Variants in ABHD2 observed in about 807,000 individuals in gnomAD.
ABHD2 encodes the protein monoacylglycerol lipase ABHD2.
ABHD2 carries 20 observed loss-of-function variants against 48.1 expected under a neutral mutation model. That is an observed-to-expected ratio of 0.42 (90% confidence interval 0.29 to 0.60). ABHD2 has a LOEUF of 0.60. Among genes scored for constraint, ABHD2 ranks in the 20% least tolerant of loss-of-function variants. The pLI is 0.24. For missense variants in ABHD2, 405 were observed against 550.9 expected, an observed-to-expected ratio of 0.74 and a Z score of 2.65; for synonymous variants, 209 against 214.2, an observed-to-expected ratio of 0.98 and a Z score of 0.21.
chr15:89,135,107 G>A (rs2050282037), intron 3 of ABHD2, among the ~76,000 whole-genome samples: 1 of 147,260 alleles, frequency 6.8e-6, no homozygotes, highest in South Asian at 2.1e-4. Flanking sequence ...TTGCTTAGAA[G>A]CATTCAGAAT....
intron 3 of ABHD2, among the ~76,000 whole-genome samples, chr15:89,149,239 ACACT>A (rs916464409): frequency 6.6e-6 from 1 of 151,872 alleles, no homozygotes; most frequent in African/African-American, 2.4e-5. Flanking sequence ...ACACACACAC[ACACT>A]CACACTGAGA....
chr15:89,079,226 C>T, the ABHD2 span, among the ~76,000 whole-genome samples: 29 of 152,340 alleles, frequency 1.9e-4, no homozygotes, highest in African/African-American at 5.8e-4. This position sits in a 1 kb window ranked among gnomAD's most constrained non-coding sequence, Gnocchi z 4.3. Context: ...GCCCCTTTCA[C>T]ATGTAAAATG....
intron 5 of ABHD2, among the ~76,000 whole-genome samples, chr15:89,169,597 G>C (rs1299855546): frequency 6.6e-6 from 1 of 152,174 alleles, no homozygotes; most frequent in East Asian, 1.9e-4. Context: ...GGAAGCGGTG[G>C]AGAAGTAAAT....
At position 89,097,892 on chromosome 15, in the gene ABHD2, T is replaced by C. The variant is rs1008960896; in HGVS notation, c.-107+9329T>C. Among the ~76,000 whole-genome samples, 1 of 152,172 alleles carries C rather than the reference T, an allele frequency of 6.6e-6. No individual in the cohort carries two copies. Among genetic ancestry groups the C allele is most frequent in the Non-Finnish European group, 1.5e-5 (1 of 68,024 alleles). ...CATGGAATTATACATGTTAGCAAATTTCTTGTTTTTTCTTTTTTGAGACAG... is the reference window on the plus strand; with the variant it reads ...CATGGAATTATACATGTTAGCAAATCTCTTGTTTTTTCTTTTTTGAGACAG... On this transcript the variant is annotated intron_variant, in intron 1 of 10. Coordinates refer to ENST00000352732, the MANE Select transcript of ABHD2 (RefSeq NM_152924.5). The surrounding 1 kb of genome is among the most constrained non-coding windows in gnomAD (Gnocchi z 4.2).
chr15:89,098,229 C>T (rs1469163995), intron 1 of ABHD2, among the ~76,000 whole-genome samples: 1 of 152,132 alleles, frequency 6.6e-6, no homozygotes, highest in African/African-American at 2.4e-5. Flanking sequence ...ATTACTTTTT[C>T]TCATGTATTC....
the ABHD2 span, among the ~76,000 whole-genome samples, chr15:89,054,321 CAA>C: frequency 2.4e-3 from 331 of 137,970 alleles, 3 homozygotes; most frequent in Admixed American, 3.2e-3. Context: ...GACTCTGTCT[CAA>C]AAAAAAAAAA....
At chr15:89,162,627 G>A (rs2050779293) in intron 5 of ABHD2, among the ~76,000 whole-genome samples, 1 of 152,078 alleles carries the variant, frequency 6.6e-6, no homozygotes, top group Admixed American at 6.6e-5. Flanking sequence ...TTGTCACTCA[G>A]GTCTCAACCA....
At chr15:89,086,744 C>T (rs891853369), upstream of ABHD2, among the ~76,000 whole-genome samples, 1 of 152,228 alleles carries the variant, frequency 6.6e-6, no homozygotes, top group Non-Finnish European at 1.5e-5. Flanking sequence ...CTACACCAAG[C>T]TAGTTAACAT....
chr15:89,184,212 G>A lies in ABHD2; in HGVS notation c.723-1212G>A, dbSNP rs2051167719. On this transcript the variant is annotated intron_variant, in intron 6 of 10. Coordinates refer to ENST00000352732, the MANE Select transcript of ABHD2 (RefSeq NM_152924.5). The surrounding 1 kb of genome is among the most constrained non-coding windows in gnomAD (Gnocchi z 5.1). Reference sequence around the variant, plus strand: ...TCTTATTTTTTAACCACGACATTGTGGGAAATGTTTGTCACTCCAAAACTG... The same window carrying A: ...TCTTATTTTTTAACCACGACATTGTAGGAAATGTTTGTCACTCCAAAACTG... Among the ~76,000 whole-genome samples the A allele has an allele frequency of 2.0e-5, 3 of 152,036 alleles. No individual in the cohort carries two copies. Among genetic ancestry groups the A allele is most frequent in the Non-Finnish European group, 4.4e-5 (3 of 68,008 alleles).
chr15:89,193,473 T>C, intron 10 of ABHD2, 154 bp downstream of exon 10: 2 of 659,890 alleles, frequency 3.0e-6, no homozygotes, highest in Non-Finnish European at 5.3e-6. Flanking sequence ...AGCCTGATAG[T>C]CCTCGGGCTG....
chr15:89,091,890 C>T lies in ABHD2; in HGVS notation c.-107+3327C>T, dbSNP rs1901610797. On this transcript the variant is annotated intron_variant, in intron 1 of 10. Transcript: ENST00000352732. The surrounding 1 kb of genome is among the most constrained non-coding windows in gnomAD (Gnocchi z 5.5). ...TCTTGGGCTAAGCTATCCCCAGGAA[C>T]AGAGCAATGAGAAGTTCAGGGTGCC... 6.6e-6 allele frequency among the ~76,000 whole-genome samples: 1 copy of T among 152,200 alleles called. No homozygotes were observed. The highest frequency in any genetic ancestry group is 6.5e-5 in the Admixed American group (1 of 15,280).
At chr15:89,071,752 C>T in the ABHD2 span, among the ~76,000 whole-genome samples, 3 of 152,292 alleles carry the variant, frequency 2.0e-5, no homozygotes, top group Admixed American at 2.0e-4. Flanking sequence ...GGTGCGTCTG[C>T]CATACAGGGT....
chr15:89,098,985 T>G (rs2049657807), intron 1 of ABHD2, among the ~76,000 whole-genome samples: 1 of 152,192 alleles, frequency 6.6e-6, no homozygotes, highest in South Asian at 2.1e-4. Flanking sequence ...AAACAGCTTA[T>G]AAGATGGATG....
Position 89,177,782 on chromosome 15 carries a change from A to G in ABHD2, c.722+1787A>G, listed in dbSNP as rs1414317306. 6.6e-6 allele frequency among the ~76,000 whole-genome samples: 1 copy of G among 152,120 alleles called. No homozygotes were observed. Among genetic ancestry groups the G allele is most frequent in the Non-Finnish European group, 1.5e-5 (1 of 68,014 alleles). On this transcript the variant is annotated intron_variant, in intron 6 of 10. Coordinates refer to ENST00000352732, the MANE Select transcript of ABHD2 (RefSeq NM_152924.5). The surrounding 1 kb of genome is among the most constrained non-coding windows in gnomAD (Gnocchi z 5.6). ...AACCAAAGTCCTGTCGGGCCCAGTC[A>G]CTGGGATAAGAAAGACATGAGCAAG... is the stretch of plus-strand genomic sequence containing the variant.
chr15:89,135,259 A>G (rs1434037899), intron 3 of ABHD2, among the ~76,000 whole-genome samples: 1 of 151,290 alleles, frequency 6.6e-6, no homozygotes, highest in Non-Finnish European at 1.5e-5. Context: ...ATATATAACT[A>G]ATTTGTGCCA....
chr15:89,065,092 G>T, the ABHD2 span, among the ~76,000 whole-genome samples: 1 of 152,032 alleles, frequency 6.6e-6, no homozygotes, highest in Non-Finnish European at 1.5e-5. Flanking sequence ...AAAAAACATG[G>T]GTGCTATGGG....
intron 1 of ABHD2, among the ~76,000 whole-genome samples, chr15:89,109,074 C>T (rs925353890): frequency 4.6e-5 from 7 of 152,234 alleles, no homozygotes; most frequent in Admixed American, 1.3e-4. Context: ...GGACCCAGGT[C>T]TCAGAGCCCC....
In ABHD2 at chr15:89,146,670, C is replaced by T. The variant is rs1306150909; in HGVS notation, c.195-5007C>T. Among the ~76,000 whole-genome samples the T allele has an allele frequency of 6.6e-6, 1 of 151,966 alleles. No homozygotes were observed. Among genetic ancestry groups the T allele is most frequent in the Admixed American group, 6.6e-5 (1 of 15,232 alleles). On this transcript the variant is annotated intron_variant, in intron 3 of 10. Coordinates refer to ENST00000352732, the MANE Select transcript of ABHD2 (RefSeq NM_152924.5). The surrounding 1 kb of genome is among the most constrained non-coding windows in gnomAD (Gnocchi z 4.2). ...TTCAGGGAGTTAAGGGTAAAACATG[C>T]CCAGATGCTTCAACTCAAGAATAGC...
chr15:89,066,564 A>G, the ABHD2 span, among the ~76,000 whole-genome samples: 3 of 152,032 alleles, frequency 2.0e-5, no homozygotes, highest in Non-Finnish European at 2.9e-5. Flanking sequence ...TTTTGGGGGG[A>G]CACAATTCAA....
Sources: allele counts gnomAD v4.1 joint callset (sites outside exome capture counted in the v4.1 genomes callset), GRCh38; gene constraint gnomAD v4.1.1; non-coding constraint Gnocchi (gnomAD v3.1); transcripts MANE v1.5; gene names NCBI Gene and HGNC (gene_info 2026-07-23, HGNC 2026-07-21).